Variants in RGS6 observed in about 807,000 individuals in gnomAD.
The protein encoded by RGS6 is regulator of G-protein signaling 6.
In RGS6, 30 loss-of-function variants were observed where a neutral mutation model predicts 78.5. The observed-to-expected ratio is 0.38, with a 90% confidence interval of 0.29 to 0.52. RGS6 has a LOEUF of 0.52. RGS6 is among the 20% of genes least tolerant of loss of function. RGS6 has a pLI of 0.85. For synonymous variants in RGS6, 206 were observed against 206.0 expected, an observed-to-expected ratio of 1.00 and a Z score of 0.00; for missense variants, 495 against 609.7, an observed-to-expected ratio of 0.81 and a Z score of 1.98.
chr14:71,990,540 T>G (rs1408505896), intron 2 of RGS6: 2 of 451,490 alleles, frequency 4.4e-6, no homozygotes, highest in Non-Finnish European at 8.9e-6. Flanking sequence ...TTTAAGCAAA[T>G]TTTAAGTAGT....
At chr14:72,496,603 A>G (rs935112053) in intron 13 of RGS6, among the ~76,000 whole-genome samples, 11 of 152,224 alleles carry the variant, frequency 7.2e-5, no homozygotes, top group African/African-American at 2.7e-4. Flanking sequence ...GTGTCTTTCA[A>G]ACAGCTACTA....
intron 12 of RGS6, among the ~76,000 whole-genome samples, chr14:72,492,973 G>A (rs994867574): frequency 6.6e-6 from 1 of 152,168 alleles, no homozygotes; most frequent in African/African-American, 2.4e-5. Flanking sequence ...GAAAAAGCTT[G>A]CCAATGCCTG....
At chr14:72,580,266 G>T in the RGS6 span, among the ~76,000 whole-genome samples, 1 of 150,426 alleles carries the variant, frequency 6.6e-6, no homozygotes, top group African/African-American at 2.5e-5. Context: ...TTGTGACTCA[G>T]AGGACACCAC....
chr14:72,334,969 T>TTG (rs2075768403), intron 2 of RGS6, among the ~76,000 whole-genome samples: 5 of 152,150 alleles, frequency 3.3e-5, no homozygotes, highest in African/African-American at 1.2e-4. Context: ...GTACCTCCTA[T>TTG]AATTCCCTTG....
intron 2 of RGS6, among the ~76,000 whole-genome samples, chr14:72,143,105 C>T (rs2096562183): frequency 6.6e-6 from 1 of 152,164 alleles, no homozygotes; most frequent in Admixed American, 6.5e-5. Context: ...CCATGGCTCA[C>T]ATCTATAATC....
chr14:72,017,380 T>G (rs1446153569), intron 2 of RGS6, among the ~76,000 whole-genome samples: 1 of 152,262 alleles, frequency 6.6e-6, no homozygotes, highest in Non-Finnish European at 1.5e-5. Flanking sequence ...TTAATAATAA[T>G]GACAGGTCTT....
At chr14:72,088,138 G>T (rs1567178909) in intron 2 of RGS6, among the ~76,000 whole-genome samples, 1 of 152,186 alleles carries the variant, frequency 6.6e-6, no homozygotes, top group African/African-American at 2.4e-5. Context: ...AATACATGCA[G>T]CCCCAGTCCT....
In RGS6 at chr14:72,279,166, A is replaced by G. The variant is rs566415542; in HGVS notation, c.85-72929A>G. On this transcript the variant is annotated intron_variant, in intron 2 of 17. Coordinates refer to ENST00000553525, the MANE Select transcript of RGS6 (RefSeq NM_001204424.2). ...CCATGACAGATGTAAACTTTGAGAA[A>G]CAGGAAAAAGCTGGAACCTACAAGC... is the stretch of plus-strand genomic sequence containing the variant. 3.3e-5 allele frequency among the ~76,000 whole-genome samples: 5 copies of G among 152,090 alleles called. No individual in the cohort carries two copies. In the South Asian group the frequency reaches 1.0e-3, roughly 32 times the overall value.
At position 72,016,678 on chromosome 14, in the gene RGS6, G is replaced by A. The variant is rs557623421; in HGVS notation, c.84+51803G>A. ...CCGCGCCCGACTGTTCTTTGTTAAT[G>A]GTGTGTTTGCTTACTCTGGCTCTAC... On this transcript the variant is annotated intron_variant, in intron 2 of 17. Coordinates refer to ENST00000553525, the MANE Select transcript of RGS6 (RefSeq NM_001204424.2). Among the ~76,000 whole-genome samples, 15 of 152,218 alleles carry A rather than the reference G, an allele frequency of 9.9e-5. No individual in the cohort carries two copies. The East Asian group carries it at 2.9e-3, about 29-fold the overall frequency.
the RGS6 span, among the ~76,000 whole-genome samples, chr14:71,881,190 C>A: frequency 1.3e-5 from 2 of 152,174 alleles, no homozygotes; most frequent in African/African-American, 2.4e-5. Flanking sequence ...ACCCCCCTTG[C>A]ATCTAGGAAG....
chr14:72,431,555 T>G (rs141587428), intron 3 of RGS6, among the ~76,000 whole-genome samples: 1 of 124,196 alleles, frequency 8.1e-6, no homozygotes, highest in Admixed American at 8.9e-5. Flanking sequence ...TTTTATTTTA[T>G]TTTATTTTAG....
chr14:72,365,751 A>G (rs911786323), intron 3 of RGS6, among the ~76,000 whole-genome samples: 1 of 152,250 alleles, frequency 6.6e-6, no homozygotes, highest in Admixed American at 6.5e-5. Flanking sequence ...ATCTAATAAA[A>G]ATGTTAATAA....
intron 6 of RGS6, chr14:72,464,856 A>G (rs2095862258): frequency 6.6e-6 from 1 of 152,250 alleles, no homozygotes; most frequent in Non-Finnish European, 1.5e-5. Context: ...ACCTGACAAG[A>G]CAGGCTATGG....
intron 2 of RGS6, among the ~76,000 whole-genome samples, chr14:72,151,066 C>G (rs1221896840): frequency 6.6e-6 from 1 of 152,152 alleles, no homozygotes; most frequent in East Asian, 1.9e-4. Flanking sequence ...TGGGCTCCAC[C>G]AAAGTGCCTT....
intron 2 of RGS6, among the ~76,000 whole-genome samples, chr14:72,031,041 T>G (rs2090796365): frequency 6.6e-6 from 1 of 151,888 alleles, no homozygotes; most frequent in Non-Finnish European, 1.5e-5. Context: ...GCAAGACTCT[T>G]AGGTTGTAGT....
At chr14:71,984,921 A>G (rs533397869) in intron 2 of RGS6, among the ~76,000 whole-genome samples, 10 of 152,130 alleles carry the variant, frequency 6.6e-5, no homozygotes, top group Non-Finnish European at 1.0e-4. Context: ...TAGAGAAAAA[A>G]TCTCACATAT....
At chr14:72,181,667 C>G (rs1410202082) in intron 2 of RGS6, among the ~76,000 whole-genome samples, 1 of 152,164 alleles carries the variant, frequency 6.6e-6, no homozygotes, top group African/African-American at 2.4e-5. Context: ...TTGATATTTA[C>G]TCTAAAAAGC....
intron 2 of RGS6, among the ~76,000 whole-genome samples, chr14:72,092,211 G>T (rs1597414149): frequency 6.6e-6 from 1 of 150,508 alleles, no homozygotes; most frequent in South Asian, 2.1e-4. Flanking sequence ...TTTTTAGTAG[G>T]TATGGGGTTT....
rs140650844 is a variant in RGS6, at chr14:72,241,851, G to A, written c.85-110244G>A. 7.6e-3 allele frequency among the ~76,000 whole-genome samples: 1,154 copies of A among 152,310 alleles called. 5 individuals carry two copies. The highest frequency in any genetic ancestry group is 0.012 in the Non-Finnish European group (788 of 68,026). ...TTCCAGGAAATGACGCCAATTTCCAGTCCACTAGAAACATTCCACGGTGTC... is the reference window on the plus strand; with the variant it reads ...TTCCAGGAAATGACGCCAATTTCCAATCCACTAGAAACATTCCACGGTGTC... On this transcript the variant is annotated intron_variant, in intron 2 of 17. Coordinates refer to ENST00000553525, the MANE Select transcript of RGS6 (RefSeq NM_001204424.2).
Sources: allele counts gnomAD v4.1 joint callset (sites outside exome capture counted in the v4.1 genomes callset), GRCh38; gene constraint gnomAD v4.1.1; transcripts MANE v1.5; gene names NCBI Gene and HGNC (gene_info 2026-07-23, HGNC 2026-07-21).